CNTNAP2: variants seen among roughly 807,000 people sequenced by gnomAD.
CNTNAP2 encodes contactin associated protein 2.
In CNTNAP2, 98 loss-of-function variants were observed where a neutral mutation model predicts 155.2. The observed-to-expected ratio is 0.63, with a 90% CI of 0.54 to 0.75. The LOEUF (loss-of-function observed/expected upper bound fraction) is 0.75, where lower values mean the gene tolerates loss of function less well. Among genes scored for constraint, CNTNAP2 ranks in the 30% least tolerant of loss-of-function variants. CNTNAP2 has a pLI of 0.00. For missense variants in CNTNAP2, 1,727 were observed against 1,688.1 expected (o/e 1.02, Z -0.40); for synonymous variants, 651 against 631.2 (o/e 1.03, Z -0.47).
At chr7:147,860,864 A>C (rs556191236) in intron 13 of CNTNAP2, among the ~76,000 whole-genome samples, 90 of 152,332 alleles carry the variant, frequency 5.9e-4, no homozygotes, top group African/African-American at 1.6e-3. Flanking sequence ...GCCTGAATTA[A>C]AGTGCTATGT....
intron 1 of CNTNAP2, among the ~76,000 whole-genome samples, chr7:146,703,438 TATTA>T (rs2129173773): frequency 6.6e-6 from 1 of 152,262 alleles, no homozygotes; most frequent in East Asian, 1.9e-4. Context: ...AACATCAGAA[TATTA>T]ATTAGTCTCC....
intron 13 of CNTNAP2, among the ~76,000 whole-genome samples, chr7:147,777,392 G>A (rs1202525512): frequency 1.3e-5 from 2 of 152,196 alleles, no homozygotes; most frequent in East Asian, 3.9e-4. Flanking sequence ...AAGGTTTGCT[G>A]TAAATTCCCT....
chr7:147,176,631 TATA>T (rs989018391), intron 8 of CNTNAP2, among the ~76,000 whole-genome samples: 14 of 141,992 alleles, frequency 9.9e-5, no homozygotes, highest in Admixed American at 2.2e-4. Flanking sequence ...CATACACACG[TATA>T]ATATAATATT....
chr7:147,627,636 G>A (rs1002338334), intron 12 of CNTNAP2, among the ~76,000 whole-genome samples: 4 of 143,934 alleles, frequency 2.8e-5, no homozygotes, highest in African/African-American at 1.0e-4. Flanking sequence ...AGGTTGCAGT[G>A]AGCCGAGATT....
chr7:147,208,097 CAG>C (rs1359774398), intron 8 of CNTNAP2, among the ~76,000 whole-genome samples: 4 of 152,048 alleles, frequency 2.6e-5, no homozygotes, highest in Non-Finnish European at 5.9e-5. Flanking sequence ...CTTTCCTTTG[CAG>C]AGAGTTTATA....
chr7:147,540,829 C>CA (rs58625166), intron 11 of CNTNAP2, among the ~76,000 whole-genome samples: 38,375 of 147,060 alleles, frequency 0.26, 5,029 homozygotes, highest in South Asian at 0.31. Flanking sequence ...GACTCTGTCT[C>CA]AAAAAAAAAA....
intron 1 of CNTNAP2, among the ~76,000 whole-genome samples, chr7:146,739,941 T>C (rs866716947): frequency 2.6e-5 from 4 of 152,226 alleles, no homozygotes; most frequent in Middle Eastern, 3.4e-3. Flanking sequence ...CCATTTAATC[T>C]TATATAAATA....
chr7:146,984,652 G>A (rs541817949), intron 3 of CNTNAP2, among the ~76,000 whole-genome samples: 11 of 152,144 alleles, frequency 7.2e-5, no homozygotes, highest in African/African-American at 2.2e-4. Flanking sequence ...CAAGGATTTC[G>A]CCCTTCTCCC....
chr7:147,123,927 A>T (rs764211059), intron 6 of CNTNAP2, among the ~76,000 whole-genome samples: 5 of 152,180 alleles, frequency 3.3e-5, no homozygotes, highest in Non-Finnish European at 7.3e-5. Context: ...CTGTAATCCC[A>T]GCTACTTGGG....
At chr7:148,243,619 C>A (rs1039288989) in intron 20 of CNTNAP2, among the ~76,000 whole-genome samples, 2 of 151,900 alleles carry the variant, frequency 1.3e-5, no homozygotes, top group Admixed American at 1.3e-4. Context: ...CGTCAGATCT[C>A]GTGAGACTTA....
chr7:147,639,056 A>T (rs933165044), intron 12 of CNTNAP2, 50 bp from the exon 13 acceptor site: 4 of 1,556,962 alleles, frequency 2.6e-6, no homozygotes, highest in Non-Finnish European at 3.5e-6. Context: ...CATTTGGAGA[A>T]GCATTTGCAT....
At chr7:147,954,460 G>A (rs553772214) in intron 14 of CNTNAP2, among the ~76,000 whole-genome samples, 14 of 151,956 alleles carry the variant, frequency 9.2e-5, no homozygotes, top group Admixed American at 7.9e-4. Flanking sequence ...GCAAGCAGAA[G>A]AGACAATAAT....
intron 3 of CNTNAP2, among the ~76,000 whole-genome samples, chr7:146,844,008 A>AT (rs1803795887): frequency 1.3e-5 from 2 of 151,752 alleles, no homozygotes; most frequent in South Asian, 4.1e-4. Context: ...TTTTAAACAA[A>AT]TGTCCATGGT....
intron 8 of CNTNAP2, among the ~76,000 whole-genome samples, chr7:147,294,621 T>TA (rs1454470294): frequency 1.3e-5 from 2 of 152,178 alleles, no homozygotes; most frequent in Admixed American, 6.6e-5. Flanking sequence ...ATCACTACAT[T>TA]AATATTTGTA....
At chr7:148,239,949 C>T (rs749780734) in intron 20 of CNTNAP2, among the ~76,000 whole-genome samples, 67 of 152,162 alleles carry the variant, frequency 4.4e-4, no homozygotes, top group Non-Finnish European at 2.4e-4. Flanking sequence ...AAGAATTTAA[C>T]ATGATGATAT....
chr7:148,230,297 G>A (rs1195247933), intron 20 of CNTNAP2, among the ~76,000 whole-genome samples: 1 of 152,104 alleles, frequency 6.6e-6, no homozygotes, highest in Non-Finnish European at 1.5e-5. Context: ...GCACACAAAG[G>A]GATGGTTTTA....
At chr7:147,967,961 C>T (rs1801252677) in intron 14 of CNTNAP2, among the ~76,000 whole-genome samples, 1 of 151,986 alleles carries the variant, frequency 6.6e-6, no homozygotes, top group South Asian at 2.1e-4. Flanking sequence ...ACAAGAAAGG[C>T]TTGTTGTTGG....
At chr7:146,691,392 A>G (rs887306308) in intron 1 of CNTNAP2, among the ~76,000 whole-genome samples, 10 of 152,160 alleles carry the variant, frequency 6.6e-5, no homozygotes, top group African/African-American at 2.4e-4. Context: ...AGCCAAGCTT[A>G]CTGTAAACAT....
intron 18 of CNTNAP2, among the ~76,000 whole-genome samples, chr7:148,215,702 A>G (rs1399202825): frequency 3.9e-5 from 6 of 152,104 alleles, no homozygotes; most frequent in Non-Finnish European, 8.8e-5. Flanking sequence ...TGTGTATTAT[A>G]TAGTTTACTT....
Sources: allele counts gnomAD v4.1 joint callset (sites outside exome capture counted in the v4.1 genomes callset), GRCh38; gene constraint gnomAD v4.1.1; transcripts MANE v1.5; gene names NCBI Gene and HGNC (gene_info 2026-07-23, HGNC 2026-07-21).